The following MYO16 variants were observed in gnomAD, a reference collection of about 807,000 sequenced individuals.
MYO16 encodes unconventional myosin-XVI.
In MYO16, 94 loss-of-function variants were observed where a neutral mutation model predicts 205.3. That is an observed-to-expected ratio of 0.46 (90% confidence interval 0.39 to 0.54). The LOEUF (loss-of-function observed/expected upper bound fraction) is 0.54, where lower values mean the gene tolerates loss of function less well. Ranked by LOEUF, MYO16 falls within the 20% of genes least tolerant of loss-of-function variation. The pLI, the probability that MYO16 is intolerant of heterozygous loss-of-function variation, is 0.00. For missense variants in MYO16, 2,315 were observed against 2,387.5 expected (o/e 0.97, Z 0.63); for synonymous variants, 988 against 954.0 (o/e 1.04, Z -0.66).
intron 7 of MYO16, among the ~76,000 whole-genome samples, chr13:108,817,813 G>A (rs1875715630): frequency 6.6e-6 from 1 of 152,136 alleles, no homozygotes; most frequent in Non-Finnish European, 1.5e-5. Context: ...TATCAATTGA[G>A]TATGAGCTAC....
chr13:108,721,612 G>A (rs1429323013), intron 3 of MYO16, among the ~76,000 whole-genome samples: 1 of 152,208 alleles, frequency 6.6e-6, no homozygotes, highest in Admixed American at 6.5e-5. Flanking sequence ...AGAGAAGAGT[G>A]ACCAGGTTGG....
chr13:108,662,636 G>T (rs1023990386), intron 1 of MYO16, among the ~76,000 whole-genome samples: 4 of 152,166 alleles, frequency 2.6e-5, no homozygotes, highest in African/African-American at 9.7e-5. Flanking sequence ...CAAACCAACA[G>T]CCCTGAGTCT....
intron 1 of MYO16, among the ~76,000 whole-genome samples, chr13:108,644,681 C>T (rs942563169): frequency 6.6e-5 from 10 of 151,846 alleles, no homozygotes; most frequent in Admixed American, 6.6e-5. Context: ...TCTAACATTC[C>T]CTTATCTTCA....
At chr13:108,547,784 G>T in the MYO16 span, among the ~76,000 whole-genome samples, 1 of 152,190 alleles carries the variant, frequency 6.6e-6, no homozygotes, top group Admixed American at 6.5e-5. Flanking sequence ...GTAGGGCTTT[G>T]CCTAATAGTA....
At chr13:108,964,650 A>G (rs1042432275) in intron 19 of MYO16, 111 bp from the exon 20 acceptor site, 3 of 1,147,572 alleles carry the variant, frequency 2.6e-6, no homozygotes, top group African/African-American at 1.5e-5. Context: ...ATTTTTATAC[A>G]TCACTTGTCT....
At chr13:109,123,244 A>G (rs1036910113) in intron 29 of MYO16, among the ~76,000 whole-genome samples, 3 of 152,192 alleles carry the variant, frequency 2.0e-5, no homozygotes, top group Admixed American at 2.0e-4. Context: ...TTAAAAGGCT[A>G]TTGGGATGAA....
intron 2 of MYO16, among the ~76,000 whole-genome samples, chr13:108,674,557 G>A (rs1002074399): frequency 2.0e-5 from 3 of 152,160 alleles, no homozygotes; most frequent in African/African-American, 4.8e-5. Flanking sequence ...TTGGCAGTTT[G>A]AAAATGCGAT....
intron 9 of MYO16, among the ~76,000 whole-genome samples, chr13:108,842,173 AC>A (rs980268552): frequency 5.3e-4 from 81 of 152,212 alleles, no homozygotes; most frequent in African/African-American, 1.8e-3. Context: ...TGGATATGAC[AC>A]CAGAAGAAAA....
chr13:109,130,269 TTTGGTCC>T (rs1876470685), intron 31 of MYO16, among the ~76,000 whole-genome samples: 2 of 152,186 alleles, frequency 1.3e-5, no homozygotes, highest in Non-Finnish European at 2.9e-5. Context: ...TAGAGATGCG[TTTGGTCC>T]ACTGTGTCGC....
At chr13:108,856,775 G>A (rs944716323) in intron 11 of MYO16, among the ~76,000 whole-genome samples, 12 of 152,068 alleles carry the variant, frequency 7.9e-5, no homozygotes, top group Non-Finnish European at 1.5e-4. Context: ...CCGGTGGTAA[G>A]CACCCTCATC....
chr13:109,018,441 G>T (rs1885904867), intron 22 of MYO16, among the ~76,000 whole-genome samples: 1 of 152,190 alleles, frequency 6.6e-6, no homozygotes, highest in Non-Finnish European at 1.5e-5. Flanking sequence ...CTACATGGGG[G>T]TCAGGGACCC....
At chr13:108,796,324 G>A in intron 6 of MYO16, among the ~76,000 whole-genome samples, 1 of 152,194 alleles carries the variant, frequency 6.6e-6, no homozygotes, top group Non-Finnish European at 1.5e-5. Flanking sequence ...TGGTGGGACT[G>A]TAAACTAGTT....
intron 16 of MYO16, among the ~76,000 whole-genome samples, chr13:108,915,081 C>T (rs1881432712): frequency 6.6e-6 from 1 of 152,152 alleles, no homozygotes; most frequent in Admixed American, 6.5e-5. Flanking sequence ...AACTACTTTC[C>T]TGTTTGTAAC....
chr13:109,167,855 T>C (rs1484432704), intron 33 of MYO16, among the ~76,000 whole-genome samples: 2 of 151,652 alleles, frequency 1.3e-5, no homozygotes, highest in African/African-American at 4.8e-5. Flanking sequence ...ATTCCTGTAA[T>C]AATGAAAGGG....
At chr13:108,694,715 G>A (rs751239478) in intron 2 of MYO16, among the ~76,000 whole-genome samples, 1 of 152,024 alleles carries the variant, frequency 6.6e-6, no homozygotes, top group Non-Finnish European at 1.5e-5. Flanking sequence ...AAAAAGTTTT[G>A]ATGAAGTCCA....
At chr13:108,889,614 C>T (rs1196691348) in intron 14 of MYO16, among the ~76,000 whole-genome samples, 1 of 152,168 alleles carries the variant, frequency 6.6e-6, no homozygotes, top group South Asian at 2.1e-4. Flanking sequence ...CTCTAGGGGC[C>T]TCTACCTAGA....
At chr13:109,185,648 A>G (rs535058403) in intron 34 of MYO16, among the ~76,000 whole-genome samples, 100 of 152,328 alleles carry the variant, frequency 6.6e-4, no homozygotes, top group Non-Finnish European at 1.2e-3. Flanking sequence ...TTAATGAAAC[A>G]TCACCTTTAA....
intron 9 of MYO16, among the ~76,000 whole-genome samples, chr13:108,834,638 ACT>A (rs67472762): frequency 0.35 from 31,706 of 89,900 alleles, 3,978 homozygotes; most frequent in East Asian, 0.69. Flanking sequence ...TCAGTCTTGT[ACT>A]CTCTCTCTCT....
intron 4 of MYO16, among the ~76,000 whole-genome samples, chr13:108,753,334 C>T (rs1348390135): frequency 1.4e-5 from 2 of 141,606 alleles, no homozygotes; most frequent in Non-Finnish European, 3.0e-5. Context: ...TGTTCCACTG[C>T]ACTCCAGCCT....
Sources: gnomAD v4.1 joint callset for allele counts (sites outside exome capture counted in the v4.1 genomes callset) on GRCh38, gnomAD v4.1.1 for gene constraint, MANE v1.5 for transcripts, NCBI Gene and HGNC (gene_info 2026-07-23, HGNC 2026-07-21) for gene names.